SKAP1: variants seen among roughly 807,000 people sequenced by gnomAD.
SKAP1 encodes src kinase associated phosphoprotein 1, also known as src kinase-associated phosphoprotein 1.
In SKAP1, 44 loss-of-function variants were observed where a neutral mutation model predicts 58.5. The ratio of observed to expected loss-of-function variants is 0.75; its 90% CI spans 0.59 to 0.97. The LOEUF is 0.97. Among genes scored for constraint, SKAP1 ranks in the 50% least tolerant of loss-of-function variants. The pLI is 0.00. For missense variants in SKAP1, 390 were observed against 435.2 expected (o/e 0.90, Z 0.92); for synonymous variants, 127 against 149.7 (o/e 0.85, Z 1.11).
At chr17:48,287,098 AAAATAAATAAATAAAT>A (rs57589895) in intron 4 of SKAP1, among the ~76,000 whole-genome samples, 6 of 147,004 alleles carry the variant, frequency 4.1e-5, no homozygotes, top group Admixed American at 1.4e-4. Context: ...CTCCGTCTCA[AAAATAAATAAATAAAT>A]AAATAAATAA....
chr17:48,339,552 A>G (rs1474279707), intron 4 of SKAP1, among the ~76,000 whole-genome samples: 1 of 152,104 alleles, frequency 6.6e-6, no homozygotes, highest in African/African-American at 2.4e-5. Flanking sequence ...CTAGGGTCCT[A>G]TTGGTGCTAG....
intron 3 of SKAP1, among the ~76,000 whole-genome samples, chr17:48,359,816 G>C (rs2144383638): frequency 6.6e-6 from 1 of 152,028 alleles, no homozygotes. Flanking sequence ...ATGTTGCCCA[G>C]ATTGATCTCA....
intron 4 of SKAP1, among the ~76,000 whole-genome samples, chr17:48,309,288 A>G (rs546437393): frequency 6.6e-6 from 1 of 152,288 alleles, no homozygotes; most frequent in African/African-American, 2.4e-5. Flanking sequence ...TATATTAAAA[A>G]AAAAGTCTTT....
chr17:48,308,535 T>A (rs1361971249), intron 4 of SKAP1: 1 of 152,212 alleles, frequency 6.6e-6, no homozygotes, highest in Non-Finnish European at 1.5e-5. Context: ...AAATATTACA[T>A]ATTTCCTTTT....
In SKAP1 at chr17:48,196,461, A is replaced by C. The variant is rs141785944; in HGVS notation, c.281-6961T>G. ...ATGTGTAGGTTTGTTACAAAGGTAT[A>C]TTGTGTGATGCTGAGGTTTGGAGTA... On this transcript the variant is annotated intron_variant, in intron 4 of 12. Transcript: ENST00000336915. Among the ~76,000 whole-genome samples, 35 of 152,272 alleles carry C rather than the reference A, an allele frequency of 2.3e-4. No homozygotes were observed. The East Asian group carries it at 4.4e-3, about 19-fold the overall frequency.
chr17:48,203,528 G>A (rs557506218), intron 4 of SKAP1: 52 of 152,338 alleles, frequency 3.4e-4, no homozygotes, highest in African/African-American at 1.3e-3. Flanking sequence ...TGCCTGGTGG[G>A]GAGGATGGCA....
At chr17:48,137,143 G>T (rs748392702) in intron 12 of SKAP1, 86 bp downstream of exon 12, 26 of 758,032 alleles carry the variant, frequency 3.4e-5, no homozygotes, top group African/African-American at 3.1e-4. Context: ...TACTTCACTG[G>T]CAACTCTCAT....
intron 9 of SKAP1, among the ~76,000 whole-genome samples, chr17:48,174,300 A>G (rs16953361): frequency 0.028 from 4,261 of 152,322 alleles, 191 homozygotes; most frequent in African/African-American, 0.095. Flanking sequence ...GCTCAAATCA[A>G]GAAGCCTTCC....
At chr17:48,360,594 ATG>A (rs2066923035) in intron 3 of SKAP1, among the ~76,000 whole-genome samples, 2 of 152,188 alleles carry the variant, frequency 1.3e-5, no homozygotes, top group South Asian at 4.1e-4. Flanking sequence ...AAGCAATATT[ATG>A]TCTTATTGTC....
At chr17:48,194,585 C>T (rs114812173) in intron 4 of SKAP1, among the ~76,000 whole-genome samples, 4,101 of 152,282 alleles carry the variant, frequency 0.027, 174 homozygotes, top group African/African-American at 0.092. Flanking sequence ...ACAATTTCCA[C>T]GCAAAAAGGC....
rs761919700 is a variant in SKAP1 at position 48,396,691 on chromosome 17, T to A, written c.141A>T (p.Gln47His). The part of the protein sequence containing the change: ...HRDHILRGFQ[Q>H]IKARYYWDFQ... ...CAGTTTATACAAACCTGGCTTTGATTTGCTGAAAGCCCCGTAGAATATGGT... is the reference window on the plus strand; with the variant it reads ...CAGTTTATACAAACCTGGCTTTGATATGCTGAAAGCCCCGTAGAATATGGT... Residue 47 changes from glutamine to histidine, a missense_variant, in exon 2 of 13, where the codon CAA (glutamine) becomes CAT (histidine). Gln to His is a conservative substitution (Grantham distance 24). Transcript: ENST00000336915. 6.2e-7 allele frequency: 1 copy of A among 1,608,960 alleles called. No homozygotes were observed.
intron 4 of SKAP1, among the ~76,000 whole-genome samples, chr17:48,313,894 G>C (rs1180746828): frequency 3.9e-5 from 6 of 152,032 alleles, no homozygotes; most frequent in Non-Finnish European, 7.4e-5. Context: ...GCTAAGTTTG[G>C]TACAACAAAT....
intron 4 of SKAP1, among the ~76,000 whole-genome samples, chr17:48,330,618 A>C (rs543132100): frequency 2.5e-4 from 38 of 152,378 alleles, no homozygotes; most frequent in African/African-American, 9.1e-4. Context: ...ATGCTGCCAG[A>C]AGGGCAAATA....
intron 2 of SKAP1, among the ~76,000 whole-genome samples, chr17:48,376,343 T>A (rs951012451): frequency 6.6e-6 from 1 of 152,210 alleles, no homozygotes; most frequent in Non-Finnish European, 1.5e-5. Context: ...AGAGGTTATC[T>A]GATCGCACCA....
At chr17:48,420,980 G>A (rs2067786201) in intron 1 of SKAP1, among the ~76,000 whole-genome samples, 1 of 152,098 alleles carries the variant, frequency 6.6e-6, no homozygotes, top group African/African-American at 2.4e-5. Flanking sequence ...ACTGGTTTGG[G>A]CCTACACAAC....
At chr17:48,314,088 TA>T (rs1462237740) in intron 4 of SKAP1, among the ~76,000 whole-genome samples, 1 of 152,120 alleles carries the variant, frequency 6.6e-6, no homozygotes, top group East Asian at 1.9e-4. Context: ...AAATCACAGA[TA>T]GTTTTCATTA....
intron 4 of SKAP1, chr17:48,307,678 T>A (rs1360771014): frequency 6.6e-6 from 1 of 152,254 alleles, no homozygotes; most frequent in Non-Finnish European, 1.5e-5. Flanking sequence ...AAAATATGTC[T>A]CTGGGATTTC....
intron 3 of SKAP1, 145 bp downstream of exon 3, chr17:48,363,644 G>A: frequency 1.6e-6 from 1 of 634,066 alleles, no homozygotes; most frequent in Non-Finnish European, 2.7e-6. Context: ...GCGCAGCAGG[G>A]TGAAGGTTAA....
chr17:48,196,857 C>T (rs912254365), intron 4 of SKAP1: 2 of 152,104 alleles, frequency 1.3e-5, no homozygotes, highest in African/African-American at 2.4e-5. Context: ...ATGTGAAATC[C>T]AAGAGGTCAA....
Sources: gnomAD v4.1 joint callset for allele counts (sites outside exome capture counted in the v4.1 genomes callset) on GRCh38, gnomAD v4.1.1 for gene constraint, MANE v1.5 for transcripts, NCBI Gene and HGNC (gene_info 2026-07-23, HGNC 2026-07-21) for gene names.